RAD51B: variants seen among roughly 807,000 people sequenced by gnomAD.
The protein encoded by RAD51B is RAD51 paralog B.
A neutral mutation model predicts 42.2 loss-of-function variants in RAD51B; 38 were observed. The observed-to-expected ratio is 0.90, with a 90% CI of 0.70 to 1.18. The LOEUF (loss-of-function observed/expected upper bound fraction) is 1.18, where lower values mean the gene tolerates loss of function less well. RAD51B is among the 50% of genes most tolerant of loss of function. The pLI, the probability that RAD51B is intolerant of heterozygous loss-of-function variation, is 0.00. For missense variants in RAD51B, 373 were observed against 400.7 expected (o/e 0.93, Z 0.59); for synonymous variants, 154 against 145.2 (o/e 1.06, Z -0.43).
chr14:68,416,630 T>C (rs1161512209), intron 9 of RAD51B, among the ~76,000 whole-genome samples: 2 of 152,246 alleles, frequency 1.3e-5, no homozygotes, highest in Non-Finnish European at 2.9e-5. Context: ...TGTTAGTAAT[T>C]GTCGGTTTAA....
At chr14:67,830,379 A>G (rs1330651380) in intron 3 of RAD51B, among the ~76,000 whole-genome samples, 1 of 151,220 alleles carries the variant, frequency 6.6e-6, no homozygotes, top group Non-Finnish European at 1.5e-5. Flanking sequence ...GTGTTGATTA[A>G]TATGACAGAT....
At chr14:68,159,288 T>G (rs1273449742) in intron 7 of RAD51B, among the ~76,000 whole-genome samples, 2 of 152,098 alleles carry the variant, frequency 1.3e-5, no homozygotes, top group Admixed American at 6.5e-5. Context: ...AAAAAATTGA[T>G]TAAAAAAATA....
At chr14:68,503,930 G>C (rs1885098483) in intron 10 of RAD51B, among the ~76,000 whole-genome samples, 1 of 152,056 alleles carries the variant, frequency 6.6e-6, no homozygotes, top group African/African-American at 2.4e-5. Context: ...AGGAAAAACA[G>C]AAAGGAATTG....
intron 10 of RAD51B, among the ~76,000 whole-genome samples, chr14:68,619,105 C>G (rs962004022): frequency 6.6e-6 from 1 of 152,226 alleles, no homozygotes; most frequent in Non-Finnish European, 1.5e-5. Context: ...CTTTTCCCTC[C>G]TGACACATGC....
At chr14:67,929,973 T>C (rs971414860) in intron 7 of RAD51B, among the ~76,000 whole-genome samples, 13 of 152,164 alleles carry the variant, frequency 8.5e-5, no homozygotes, top group African/African-American at 3.1e-4. Flanking sequence ...TTATTATTTT[T>C]GACTTAATGT....
intron 8 of RAD51B, among the ~76,000 whole-genome samples, chr14:68,387,474 A>G (rs1373176622): frequency 1.3e-5 from 2 of 152,238 alleles, no homozygotes; most frequent in African/African-American, 4.8e-5. Flanking sequence ...TTCTTGATTT[A>G]TAAATTCAAC....
intron 8 of RAD51B, among the ~76,000 whole-genome samples, chr14:68,345,529 T>C (rs2082660330): frequency 6.6e-6 from 1 of 152,038 alleles, no homozygotes; most frequent in African/African-American, 2.4e-5. Flanking sequence ...CATGCTAGCT[T>C]CCCTTCACCT....
chr14:68,618,670 A>AC (rs1891876168), intron 10 of RAD51B, among the ~76,000 whole-genome samples: 1 of 152,142 alleles, frequency 6.6e-6, no homozygotes, highest in Non-Finnish European at 1.5e-5. Flanking sequence ...TAAACCATCT[A>AC]CTGCCCAGTA....
chr14:68,245,461 C>T (rs766294151), intron 7 of RAD51B, among the ~76,000 whole-genome samples: 1 of 152,200 alleles, frequency 6.6e-6, no homozygotes, highest in African/African-American at 2.4e-5. Flanking sequence ...TTTGTTACAT[C>T]CTCTTTTCAA....
intron 8 of RAD51B, among the ~76,000 whole-genome samples, chr14:68,302,993 A>C (rs10136039): frequency 0.68 from 102,882 of 152,092 alleles, 35,085 homozygotes; most frequent in Non-Finnish European, 0.73. Context: ...AGTTTATGGC[A>C]AGATTTTGGG....
intron 8 of RAD51B, among the ~76,000 whole-genome samples, chr14:68,344,835 T>C (rs1294700973): frequency 1.4e-5 from 2 of 146,994 alleles, no homozygotes; most frequent in Non-Finnish European, 3.0e-5. Context: ...TAGTCCCAGC[T>C]ACTCGGGAGG....
intron 8 of RAD51B, among the ~76,000 whole-genome samples, chr14:68,340,672 T>G (rs1484129876): frequency 6.6e-6 from 1 of 152,248 alleles, no homozygotes; most frequent in African/African-American, 2.4e-5. Flanking sequence ...CATATTACTA[T>G]TTTTGTATGC....
chr14:68,461,278 G>A (rs764364194), intron 9 of RAD51B, among the ~76,000 whole-genome samples: 5 of 146,898 alleles, frequency 3.4e-5, no homozygotes, highest in Non-Finnish European at 7.4e-5. Context: ...GAGGCAGCCC[G>A]CACGGATACC....
intron 10 of RAD51B, among the ~76,000 whole-genome samples, chr14:68,492,346 T>A (rs971670657): frequency 1.3e-5 from 2 of 152,250 alleles, no homozygotes; most frequent in Non-Finnish European, 2.9e-5. Context: ...TCTGCTACCA[T>A]ATAAGCCCTG....
At chr14:68,429,246 T>G (rs2084937880) in intron 9 of RAD51B, among the ~76,000 whole-genome samples, 1 of 152,174 alleles carries the variant, frequency 6.6e-6, no homozygotes, top group Non-Finnish European at 1.5e-5. Flanking sequence ...GCACCATGAT[T>G]TATAATCCTT....
At chr14:67,940,774 A>G (rs903070571) in intron 7 of RAD51B, among the ~76,000 whole-genome samples, 2 of 145,382 alleles carry the variant, frequency 1.4e-5, no homozygotes, top group Non-Finnish European at 3.1e-5. Flanking sequence ...AAATGATAGT[A>G]TCAGTAGGAA....
chr14:68,024,339 A>T (rs992376958), intron 7 of RAD51B, among the ~76,000 whole-genome samples: 2 of 152,178 alleles, frequency 1.3e-5, no homozygotes, highest in Non-Finnish European at 2.9e-5. Context: ...ATTCTATATG[A>T]ATTTTAGAAT....
intron 10 of RAD51B, among the ~76,000 whole-genome samples, chr14:68,629,877 A>G (rs1892184292): frequency 6.6e-6 from 1 of 152,238 alleles, no homozygotes; most frequent in Non-Finnish European, 1.5e-5. Flanking sequence ...CCATAGACCA[A>G]CAGTCTAACT....
At chr14:68,603,402 G>T (rs1891304600) in intron 10 of RAD51B, among the ~76,000 whole-genome samples, 1 of 152,220 alleles carries the variant, frequency 6.6e-6, no homozygotes, top group Non-Finnish European at 1.5e-5. Context: ...GGTCTGTAGG[G>T]ATGGGTGGCT....
Sources: gnomAD v4.1 joint callset for allele counts (sites outside exome capture counted in the v4.1 genomes callset) on GRCh38, gnomAD v4.1.1 for gene constraint, MANE v1.5 for transcripts, NCBI Gene and HGNC (gene_info 2026-07-23, HGNC 2026-07-21) for gene names.